RALGAPA1: variants seen among roughly 807,000 people sequenced by gnomAD.
The protein encoded by RALGAPA1 is Ral GTPase activating protein catalytic subunit alpha 1.
A neutral mutation model predicts 269.6 loss-of-function variants in RALGAPA1; 52 were observed. The ratio of observed to expected loss-of-function variants is 0.19; its 90% CI spans 0.15 to 0.24. The LOEUF (loss-of-function observed/expected upper bound fraction) is 0.24, where lower values mean the gene tolerates loss of function less well. RALGAPA1 is among the 10% of genes least tolerant of loss of function. The probability of loss-of-function intolerance (pLI) is 1.00; values close to 1 mark genes in which losing one functional copy is unlikely to be tolerated. For synonymous variants in RALGAPA1, 817 were observed against 1,008.3 expected (o/e 0.81, Z 3.60); for missense variants, 1,917 against 3,013.9 (o/e 0.64, Z 8.52).
intron 31 of RALGAPA1, among the ~76,000 whole-genome samples, chr14:35,650,552 A>C (rs1404527364): frequency 6.6e-6 from 1 of 152,196 alleles, no homozygotes; most frequent in African/African-American, 2.4e-5. Context: ...TGAGGTAAAC[A>C]CATGAAATCA....
intron 35 of RALGAPA1, among the ~76,000 whole-genome samples, chr14:35,612,724 G>A (rs772916368): frequency 2.6e-5 from 4 of 152,032 alleles, no homozygotes; most frequent in African/African-American, 4.8e-5. Context: ...ATTTTTAGTA[G>A]AGATGGGGTT....
chr14:35,543,689 C>T (rs992789877), intron 41 of RALGAPA1, among the ~76,000 whole-genome samples: 4 of 152,204 alleles, frequency 2.6e-5, no homozygotes, highest in Non-Finnish European at 4.4e-5. Context: ...GTTACCCAGG[C>T]TGGAGTGCAG....
chr14:35,561,226 CAAAAA>C (rs71124706), intron 39 of RALGAPA1, among the ~76,000 whole-genome samples: 28 of 36,784 alleles, frequency 7.6e-4, no homozygotes, highest in Non-Finnish European at 4.9e-4. Context: ...AACTCTGTCT[CAAAAA>C]AAAAAAAAAA....
intron 16 of RALGAPA1, among the ~76,000 whole-genome samples, chr14:35,708,135 A>G (rs976343710): frequency 2.0e-5 from 3 of 152,282 alleles, no homozygotes; most frequent in Admixed American, 2.0e-4. Context: ...ACTTAAATCT[A>G]AGATCTCAAA....
intron 1 of RALGAPA1, among the ~76,000 whole-genome samples, chr14:35,805,255 C>T (rs1161545430): frequency 1.3e-5 from 2 of 150,088 alleles, no homozygotes; most frequent in African/African-American, 4.9e-5. Context: ...GAAACCCTGT[C>T]TCTACTAAAA....
chr14:35,800,772 AG>A (rs1330124508), intron 1 of RALGAPA1, among the ~76,000 whole-genome samples: 8 of 152,226 alleles, frequency 5.3e-5, no homozygotes, highest in African/African-American at 1.9e-4. Flanking sequence ...TGGGAGGCCC[AG>A]GCTGGTGGAT....
intron 10 of RALGAPA1, among the ~76,000 whole-genome samples, chr14:35,745,802 G>A (rs1055789372): frequency 1.4e-5 from 2 of 140,926 alleles, no homozygotes; most frequent in Non-Finnish European, 3.1e-5. Flanking sequence ...GAAAATCCTA[G>A]GGCCAGGCAC....
chr14:35,567,053 C>G (rs1440904334), intron 39 of RALGAPA1, among the ~76,000 whole-genome samples: 1 of 151,780 alleles, frequency 6.6e-6, no homozygotes, highest in Non-Finnish European at 1.5e-5. Flanking sequence ...TTTCTAAACT[C>G]AAGATTCCAA....
At chr14:35,592,868 A>G (rs2058719605) in intron 37 of RALGAPA1, among the ~76,000 whole-genome samples, 1 of 152,192 alleles carries the variant, frequency 6.6e-6, no homozygotes, top group Admixed American at 6.5e-5. Flanking sequence ...CAATAAAGGT[A>G]ACTTATGAAA....
chr14:35,770,958 C>T lies in RALGAPA1; in HGVS notation c.309G>A (p.Trp103Ter). The T allele has an allele frequency of 1.5e-6, 2 of 1,372,388 alleles. No individual in the cohort carries two copies. The highest frequency in any genetic ancestry group is 1.9e-5 in the Admixed American group (1 of 51,316). The allele number at this position is 1,372,388 out of a possible 1,614,324, so 85.0% of individuals were successfully genotyped here. A position where few individuals can be genotyped will look rare whatever the true frequency, so the allele number is the denominator to read the frequency against. ...QLLPERIHQR[W>*]QFHSIGLILK... Reference sequence around the variant, plus strand: ...ATTACTTACCAATACTATGAAACTGCCATCGCTGATGAATTCTTTCTGGAA... The same window carrying T: ...ATTACTTACCAATACTATGAAACTGTCATCGCTGATGAATTCTTTCTGGAA... The change falls in exon 4 of 42, where the codon TGG becomes TGA. Residue 103 changes from tryptophan (W) to a stop codon, truncating the protein, a stop_gained. Coordinates refer to ENST00000680220, the MANE Select transcript of RALGAPA1 (RefSeq NM_001346249.2). LOFTEE classifies it high-confidence loss of function.
At chr14:35,639,135 A>G (rs1349444667) in intron 31 of RALGAPA1, among the ~76,000 whole-genome samples, 1 of 152,100 alleles carries the variant, frequency 6.6e-6, no homozygotes, top group Non-Finnish European at 1.5e-5. Flanking sequence ...AACCAAAAAA[A>G]GCAGAAGTAG....
At chr14:35,584,572 T>C (rs537160570) in intron 37 of RALGAPA1, among the ~76,000 whole-genome samples, 7 of 152,248 alleles carry the variant, frequency 4.6e-5, no homozygotes, top group Non-Finnish European at 7.4e-5. Context: ...GTTGGTATAG[T>C]GTAATTTGAA....
chr14:35,615,613 C>T (rs1189213444), intron 35 of RALGAPA1, among the ~76,000 whole-genome samples: 1 of 152,054 alleles, frequency 6.6e-6, no homozygotes, highest in East Asian at 1.9e-4. Flanking sequence ...AAATGTCATG[C>T]ATTCATTTAA....
chr14:35,800,406 T>C (rs1567260256), intron 1 of RALGAPA1, among the ~76,000 whole-genome samples: 1 of 152,124 alleles, frequency 6.6e-6, no homozygotes, highest in Non-Finnish European at 1.5e-5. Context: ...CTAACTACAA[T>C]GGAATTGAAT....
At chr14:35,582,015 A>C (rs1341139339) in intron 37 of RALGAPA1, among the ~76,000 whole-genome samples, 1 of 152,226 alleles carries the variant, frequency 6.6e-6, no homozygotes, top group Non-Finnish European at 1.5e-5. Flanking sequence ...AAACAAAATG[A>C]GGTATATACT....
chr14:35,791,822 C>T (rs898601551), intron 1 of RALGAPA1, among the ~76,000 whole-genome samples: 7 of 139,192 alleles, frequency 5.0e-5, no homozygotes, highest in South Asian at 2.4e-4. Flanking sequence ...AGAAGAATGG[C>T]GTGAACCCAG....
chr14:35,700,014 A>C, intron 17 of RALGAPA1, 148 bp downstream of exon 17: 1 of 672,290 alleles, frequency 1.5e-6, no homozygotes, highest in Non-Finnish European at 2.3e-6. Flanking sequence ...AAATAACTCA[A>C]AATGTTGATT....
intron 27 of RALGAPA1, among the ~76,000 whole-genome samples, chr14:35,663,563 C>T (rs1051837123): frequency 6.6e-6 from 1 of 151,498 alleles, no homozygotes; most frequent in African/African-American, 2.4e-5. Flanking sequence ...AGCACAACTT[C>T]TCAGGACTGT....
intron 14 of RALGAPA1, among the ~76,000 whole-genome samples, chr14:35,724,818 T>C (rs1163781198): frequency 1.3e-5 from 2 of 152,218 alleles, no homozygotes; most frequent in African/African-American, 4.8e-5. Flanking sequence ...GTTTTATGTA[T>C]GGCAAATAGC....
Sources: gnomAD v4.1 joint callset for allele counts (sites outside exome capture counted in the v4.1 genomes callset) on GRCh38, gnomAD v4.1.1 for gene constraint, MANE v1.5 for transcripts, NCBI Gene and HGNC (gene_info 2026-07-23, HGNC 2026-07-21) for gene names.